TSEN2: variants seen among roughly 807,000 people sequenced by gnomAD.
TSEN2 encodes tRNA splicing endonuclease subunit 2.
In TSEN2, 54 loss-of-function variants were observed where a neutral mutation model predicts 59.2. That is an observed-to-expected ratio of 0.91 (90% CI 0.73 to 1.14). TSEN2 has a LOEUF of 1.14. TSEN2 is among the 50% of genes most tolerant of loss of function. The pLI is 0.00. For synonymous variants in TSEN2, 195 were observed against 198.2 expected, an observed-to-expected ratio of 0.98 and a Z score of 0.14; for missense variants, 636 against 576.2, an observed-to-expected ratio of 1.10 and a Z score of -1.06.
chr3:12,485,650 G>A (rs1049894789), intron 1 of TSEN2, among the ~76,000 whole-genome samples: 3 of 152,206 alleles, frequency 2.0e-5, no homozygotes, highest in African/African-American at 7.2e-5. Flanking sequence ...GAGGAGTTAA[G>A]GGTAGGTAAG....
intron 8 of TSEN2, among the ~76,000 whole-genome samples, chr3:12,523,702 G>C (rs1288648408): frequency 6.6e-6 from 1 of 151,468 alleles, no homozygotes; most frequent in East Asian, 1.9e-4. Flanking sequence ...ACCACACCCA[G>C]CTAATTTTTG....
chr3:12,484,534 A>G lies in TSEN2; in HGVS notation c.-364A>G, dbSNP rs2052386442. ...CCAAGAAAGGTAAGGGCCCTGGGCG[A>G]GGAAAGCGCGGCCCTTTCCGAGTTT... On this transcript the variant is annotated 5_prime_UTR_variant, in exon 1 of 12. Transcript: ENST00000284995. The G allele has an allele frequency of 6.6e-6, 1 of 152,266 alleles. No homozygotes were observed. Among genetic ancestry groups the G allele is most frequent in the African/African-American group, 2.4e-5 (1 of 41,464 alleles). The allele number at this position is 152,266 out of a possible 1,614,324, so 9.4% of individuals were successfully genotyped here.
At chr3:12,510,560 G>C (rs964213663) in intron 6 of TSEN2, among the ~76,000 whole-genome samples, 1 of 152,174 alleles carries the variant, frequency 6.6e-6, no homozygotes, top group Non-Finnish European at 1.5e-5. Context: ...AGCTCTCCTC[G>C]TGCCTGACAG....
intron 4 of TSEN2, among the ~76,000 whole-genome samples, chr3:12,500,709 T>C (rs1013296412): frequency 3.3e-5 from 5 of 152,252 alleles, no homozygotes; most frequent in Non-Finnish European, 5.9e-5. Context: ...TTACGTGTCT[T>C]ATTTAATTCT....
intron 4 of TSEN2, among the ~76,000 whole-genome samples, chr3:12,497,890 G>T (rs141215548): frequency 2.6e-3 from 391 of 152,262 alleles, no homozygotes; most frequent in Non-Finnish European, 4.5e-3. Context: ...CAAGGTGTCA[G>T]CAGGGCCACA....
intron 8 of TSEN2, among the ~76,000 whole-genome samples, chr3:12,522,899 G>T (rs944699140): frequency 6.6e-6 from 1 of 152,154 alleles, no homozygotes; most frequent in Non-Finnish European, 1.5e-5. Flanking sequence ...TCCCTACTCA[G>T]CAGCTCCCCT....
intron 4 of TSEN2, among the ~76,000 whole-genome samples, chr3:12,501,365 C>T (rs1357518652): frequency 1.3e-5 from 2 of 152,170 alleles, no homozygotes; most frequent in African/African-American, 4.8e-5. Context: ...ACCAAAGTCA[C>T]GGTGCCGTAC....
intron 2 of TSEN2, among the ~76,000 whole-genome samples, chr3:12,490,536 A>G (rs1300327192): frequency 2.6e-5 from 4 of 152,188 alleles, no homozygotes; most frequent in Admixed American, 2.6e-4. Context: ...GAAGACTGGT[A>G]GTTCTTTAAA....
chr3:12,534,495 G>GTA (rs2125272058), downstream of TSEN2, among the ~76,000 whole-genome samples: 1 of 152,224 alleles, frequency 6.6e-6, no homozygotes, highest in East Asian at 1.9e-4. Flanking sequence ...GGCTAATGAT[G>GTA]TTTACCTAAT....
chr3:12,517,172 T>C (rs1438448146), intron 7 of TSEN2, among the ~76,000 whole-genome samples: 2 of 151,862 alleles, frequency 1.3e-5, no homozygotes, highest in Non-Finnish European at 2.9e-5. Flanking sequence ...CTGGCTAACA[T>C]GGTGAAACCC....
chr3:12,506,796 G>A, intron 6 of TSEN2: 3 of 985,338 alleles, frequency 3.0e-6, no homozygotes, highest in Non-Finnish European at 3.6e-6. Context: ...GGCTTTCTTT[G>A]ATAGTTCCTG....
intron 6 of TSEN2, chr3:12,505,619 T>C: frequency 4.7e-6 from 1 of 210,622 alleles, no homozygotes; most frequent in South Asian, 7.6e-5. Context: ...TAAAACCCTG[T>C]CTCTACCAAA....
intron 8 of TSEN2, among the ~76,000 whole-genome samples, chr3:12,524,373 C>CT (rs1375605667): frequency 3.3e-5 from 5 of 152,308 alleles, no homozygotes; most frequent in African/African-American, 9.6e-5. Context: ...GGCCAGAAGT[C>CT]TAACATCAAG....
In TSEN2 at chr3:12,528,998, T is replaced by C. The variant is rs2057288829; in HGVS notation, c.1136+74T>C. ...ATTTCTGGCCTCTAATTTAACTTTT[T>C]GGTGCCATAGGAACAAAAGTCATGT... is the stretch of plus-strand genomic sequence containing the variant. On this transcript the variant is annotated intron_variant, in intron 9 of 11. Coordinates refer to ENST00000284995, the MANE Select transcript of TSEN2 (RefSeq NM_025265.4). The C allele has an allele frequency of 2.6e-6, 4 of 1,516,182 alleles. No homozygotes were observed. The South Asian group carries it at 3.4e-5, about 13-fold the overall frequency. The allele number at this position is 1,516,182 out of a possible 1,614,324, so 93.9% of individuals were successfully genotyped here.
At chr3:12,526,825 T>C (rs1029877097) in intron 8 of TSEN2, among the ~76,000 whole-genome samples, 3 of 152,210 alleles carry the variant, frequency 2.0e-5, no homozygotes, top group African/African-American at 7.2e-5. Context: ...TCGGAGCCCA[T>C]CATCAGAAAT....
At chr3:12,497,335 C>G (rs1257479898) in intron 4 of TSEN2, among the ~76,000 whole-genome samples, 1 of 152,210 alleles carries the variant, frequency 6.6e-6, no homozygotes, top group Non-Finnish European at 1.5e-5. Context: ...CTTCTCAGGT[C>G]CCCAGTGATT....
At chr3:12,521,383 C>T (rs1026113826) in intron 8 of TSEN2, among the ~76,000 whole-genome samples, 5 of 152,314 alleles carry the variant, frequency 3.3e-5, no homozygotes, top group Admixed American at 3.3e-4. Flanking sequence ...TAAGAAGAAG[C>T]AGAGTCAAGG....
chr3:12,496,640 G>A (rs2053775706), intron 4 of TSEN2, 86 bp downstream of exon 4: 2 of 1,332,562 alleles, frequency 1.5e-6, no homozygotes, highest in Non-Finnish European at 2.1e-6. Context: ...TAGCAGTCCA[G>A]TCCACACCTT....
chr3:12,493,884 T>C (rs964378746), intron 3 of TSEN2, among the ~76,000 whole-genome samples: 6 of 152,264 alleles, frequency 3.9e-5, no homozygotes, highest in Non-Finnish European at 8.8e-5. Context: ...TTGGTATCTA[T>C]TTAAGAAACC....
Sources: allele counts gnomAD v4.1 joint callset (sites outside exome capture counted in the v4.1 genomes callset), GRCh38; gene constraint gnomAD v4.1.1; transcripts MANE v1.5; gene names NCBI Gene and HGNC (gene_info 2026-07-23, HGNC 2026-07-21).